Variants in EIF3A observed in about 807,000 individuals in gnomAD.
EIF3A encodes eukaryotic translation initiation factor 3 subunit A.
Under a neutral mutation model 186.6 loss-of-function variants are expected in EIF3A, and 21 were observed. That is an observed-to-expected ratio of 0.11 (90% CI 0.08 to 0.16). The LOEUF (loss-of-function observed/expected upper bound fraction) is 0.16. Ranked by LOEUF, EIF3A falls within the 10% of genes least tolerant of loss-of-function variation. EIF3A has a pLI of 1.00. For missense variants in EIF3A, 1,306 were observed against 1,796.3 expected (o/e 0.73, Z 4.93); for synonymous variants, 563 against 584.3 (o/e 0.96, Z 0.52).
intron 15 of EIF3A, 134 bp from the exon 16 acceptor site, chr10:119,050,808 C>T: frequency 2.1e-6 from 2 of 935,124 alleles, no homozygotes; most frequent in African/African-American, 1.7e-5. Flanking sequence ...AGCACAAAAA[C>T]TCTAACTTCC....
chr10:119,078,670 T>C (rs528566874), intron 1 of EIF3A, among the ~76,000 whole-genome samples: 41 of 152,208 alleles, frequency 2.7e-4, no homozygotes, highest in African/African-American at 9.6e-4. Context: ...GGGACCACAG[T>C]CTTTTTTAAA....
At chr10:119,080,189 C>T (rs1844240422) in intron 1 of EIF3A, among the ~76,000 whole-genome samples, 1 of 152,154 alleles carries the variant, frequency 6.6e-6, no homozygotes, top group Non-Finnish European at 1.5e-5. Context: ...GGAGCCGAGG[C>T]TCTCGCGTGC....
At chr10:119,056,655 TA>T in intron 14 of EIF3A, 84 bp downstream of exon 14, 1 of 890,326 alleles carries the variant, frequency 1.1e-6, no homozygotes. Flanking sequence ...GAATACAAAA[TA>T]AAGCAATTCT....
chr10:119,079,864 T>C (rs962046152), intron 1 of EIF3A, among the ~76,000 whole-genome samples: 2 of 152,220 alleles, frequency 1.3e-5, no homozygotes, highest in African/African-American at 2.4e-5. Flanking sequence ...GGGAAACCTC[T>C]CTCTAGGCCT....
In EIF3A at chr10:119,037,248, G is replaced by A. The variant is rs375737679; in HGVS notation, c.3790C>T (p.Arg1264Cys). 22 of 1,613,890 alleles carry A rather than the reference G, an allele frequency of 1.4e-5. No individual in the cohort carries two copies. The highest frequency in any genetic ancestry group is 1.7e-5 in the Non-Finnish European group (20 of 1,180,012). The part of the protein sequence containing the change: ...EESSSWRDSS[R>C]RDDRDRDDRR... ...TCATCCCTATCCCTATCGTCCCGGC[G>A]ACTTGAGTCTCTCCAGCTTGAAGAT... is the stretch of plus-strand genomic sequence containing the variant. Residue 1264 changes from arginine to cysteine, a missense_variant, in exon 21 of 22, where the codon CGC becomes TGC. Physicochemically the swap from Arg to Cys is radical, Grantham distance 180 (BLOSUM62 -3). This residue lies in a region of EIF3A where 331 missense variants were observed against 365.8 expected (regional missense o/e 0.90). Coordinates refer to ENST00000369144, the MANE Select transcript of EIF3A (RefSeq NM_003750.4).
intron 6 of EIF3A, among the ~76,000 whole-genome samples, chr10:119,067,049 C>T (rs1843992463): frequency 3.3e-5 from 5 of 151,776 alleles, no homozygotes; most frequent in Admixed American, 2.6e-4. Flanking sequence ...CCCGTTTCTA[C>T]TAAAAATACA....
At position 119,035,045 on chromosome 10, in the gene EIF3A, T is replaced by C. The variant is rs1340310105; in HGVS notation, c.*994A>G. The C allele has an allele frequency of 3.3e-5, 5 of 152,592 alleles. No individual in the cohort carries two copies. The East Asian group carries it at 9.6e-4, about 29-fold the overall frequency. The allele number at this position is 152,592 out of a possible 1,614,324, so 9.5% of individuals were successfully genotyped here. On this transcript the variant is annotated 3_prime_UTR_variant, in exon 22 of 22. Coordinates refer to ENST00000369144, the MANE Select transcript of EIF3A (RefSeq NM_003750.4). ...AACCACAAATCAACACTAAAACAAA[T>C]TCTGTAAGTATTTTATTTATCACTG...
intron 17 of EIF3A, 112 bp downstream of exon 17, chr10:119,049,689 T>G: frequency 2.3e-6 from 2 of 858,948 alleles, no homozygotes; most frequent in Middle Eastern, 2.6e-4. Flanking sequence ...GGGCTGAGAT[T>G]GCACCACTGT....
chr10:119,067,535 C>A (rs1844000759), intron 6 of EIF3A, among the ~76,000 whole-genome samples: 1 of 152,116 alleles, frequency 6.6e-6, no homozygotes, highest in South Asian at 2.1e-4. Flanking sequence ...AGGATGCATG[C>A]AGTGAGCTAC....
chr10:119,073,980 C>T, intron 1 of EIF3A, 43 bp from the exon 2 acceptor site: 1 of 1,471,040 alleles, frequency 6.8e-7, no homozygotes, highest in South Asian at 1.4e-5. Flanking sequence ...GTACACTATA[C>T]AAGAGTCTAA....
chr10:119,062,893 A>T (rs1843912241), intron 7 of EIF3A, among the ~76,000 whole-genome samples: 2 of 151,474 alleles, frequency 1.3e-5, no homozygotes, highest in Non-Finnish European at 2.9e-5. Context: ...GATTACACGC[A>T]TGCACCACAA....
chr10:119,039,953 T>TTCA (rs1440378097), intron 19 of EIF3A, among the ~76,000 whole-genome samples: 3 of 152,194 alleles, frequency 2.0e-5, no homozygotes, highest in Non-Finnish European at 4.4e-5. Flanking sequence ...GAGTTCAGTA[T>TTCA]TCATGGCAAC....
rs200852678 is a variant in EIF3A at position 119,050,510 on chromosome 10, G to C, written c.2473+11C>G. The C allele has an allele frequency of 3.1e-6, 5 of 1,612,464 alleles. No individual in the cohort carries two copies. The highest frequency in any genetic ancestry group is 4.2e-6 in the Non-Finnish European group (5 of 1,178,910). On this transcript the variant is annotated intron_variant, in intron 16 of 21. Coordinates refer to ENST00000369144, the MANE Select transcript of EIF3A (RefSeq NM_003750.4). ...CATTAGCACCCCTCCAATCCTGTTT[G>C]ACCTGTGTACCTTTTAGCATTTGTT...
chr10:119,072,807 A>C, intron 4 of EIF3A, 83 bp downstream of exon 4: 1 of 1,461,754 alleles, frequency 6.8e-7, no homozygotes, highest in Middle Eastern at 1.8e-4. Context: ...GATAAAAACT[A>C]GTTCATTTTA....
At chr10:119,055,920 T>C (rs1304432767) in intron 14 of EIF3A, among the ~76,000 whole-genome samples, 2 of 152,156 alleles carry the variant, frequency 1.3e-5, no homozygotes, top group Non-Finnish European at 2.9e-5. Flanking sequence ...AGCACTTTTC[T>C]AATTAGTTTT....
At chr10:119,055,946 T>TA (rs1843776586) in intron 14 of EIF3A, among the ~76,000 whole-genome samples, 1 of 152,194 alleles carries the variant, frequency 6.6e-6, no homozygotes, top group South Asian at 2.1e-4. Context: ...ATTTACATGT[T>TA]AAGAGAATTA....
At position 119,045,033 on chromosome 10, in the gene EIF3A, C is replaced by T. The variant is rs545663320; in HGVS notation, c.2659-891G>A. ...GATCTCAGCTAACTGCAGCCTCTGC[C>T]ACCCACATTCAAGCTATTCTTGAGC... is the stretch of plus-strand genomic sequence containing the variant. On this transcript the variant is annotated intron_variant, in intron 17 of 21. Transcript: ENST00000369144. 4.7e-4 allele frequency among the ~76,000 whole-genome samples: 72 copies of T among 151,696 alleles called. 2 individuals are homozygous for T. The South Asian group carries it at 0.014, about 29-fold the overall frequency.
At chr10:119,061,110 A>G in intron 8 of EIF3A, 114 bp downstream of exon 8, 1 of 598,782 alleles carries the variant, frequency 1.7e-6, no homozygotes, top group Non-Finnish European at 2.9e-6. Context: ...TGAAATGTGC[A>G]CTGAATTCCA....
At position 119,072,342 on chromosome 10, in the gene EIF3A, A is replaced by AG. The variant is rs563363413; in HGVS notation, c.541+547dup. Among the ~76,000 whole-genome samples, 333 of 152,262 alleles carry AG rather than the reference A, an allele frequency of 2.2e-3. 2 individuals carry two copies. The highest frequency in any genetic ancestry group is 7.6e-3 in the African/African-American group (317 of 41,562). Reference sequence around the variant, plus strand: ...CATTATTACTGATGTTTGTGTAAAAAGAAAAAAAAAGATCTTTCAGATATC... The same window carrying AG: ...CATTATTACTGATGTTTGTGTAAAAAGGAAAAAAAAAGATCTTTCAGATATC... On this transcript the variant is annotated intron_variant, in intron 4 of 21. Coordinates refer to ENST00000369144, the MANE Select transcript of EIF3A (RefSeq NM_003750.4).
Sources: allele counts gnomAD v4.1 joint callset (sites outside exome capture counted in the v4.1 genomes callset), GRCh38; gene constraint gnomAD v4.1.1; regional missense constraint gnomAD v4.1.1; transcripts MANE v1.5; gene names NCBI Gene and HGNC (gene_info 2026-07-23, HGNC 2026-07-21).